Variants in CHLSN observed in about 807,000 individuals in gnomAD.
The protein encoded by CHLSN is cholesin.
chr7:1,084,538 C>T, the CHLSN span, among the ~76,000 whole-genome samples: 16 of 152,334 alleles, frequency 1.1e-4, 1 homozygote, highest in South Asian at 1.2e-3. Context: ...GGGGGAGAAG[C>T]GAATGAGCCA....
At chr7:1,089,524 T>A in the CHLSN span, among the ~76,000 whole-genome samples, 3,675 of 151,934 alleles carry the variant, frequency 0.024, 84 homozygotes, top group Non-Finnish European at 0.042. Flanking sequence ...GCTCAGGCGA[T>A]CCTCCTGCCT....
chr7:1,015,515 G>A, the CHLSN span, among the ~76,000 whole-genome samples: 1 of 152,238 alleles, frequency 6.6e-6, no homozygotes, highest in Admixed American at 6.5e-5. Flanking sequence ...ATCTGTTCCA[G>A]CCAGACCTTC....
chr7:994,482 T>A, the CHLSN span, among the ~76,000 whole-genome samples: 1 of 152,152 alleles, frequency 6.6e-6, no homozygotes, highest in Non-Finnish European at 1.5e-5. Flanking sequence ...AAATTTTTTT[T>A]AGATGCCGGC....
At chr7:1,061,655 A>AC in the CHLSN span, among the ~76,000 whole-genome samples, 1 of 152,044 alleles carries the variant, frequency 6.6e-6, no homozygotes, top group Admixed American at 6.6e-5. Flanking sequence ...CAAAGCCTTC[A>AC]CCTCATCACA....
the CHLSN span, among the ~76,000 whole-genome samples, chr7:1,048,592 G>C: frequency 1.3e-5 from 2 of 152,134 alleles, no homozygotes; most frequent in Non-Finnish European, 2.9e-5. Context: ...TTAGCCCCGG[G>C]TTTCAGCCAA....
chr7:997,864 A>G, the CHLSN span: 9 of 1,474,806 alleles, frequency 6.1e-6, no homozygotes, highest in Non-Finnish European at 7.4e-6. Context: ...GCTGAACAGC[A>G]GGAGACAAGA....
At chr7:1,052,934 C>T in the CHLSN span, among the ~76,000 whole-genome samples, 1 of 152,172 alleles carries the variant, frequency 6.6e-6, no homozygotes, top group Non-Finnish European at 1.5e-5. The surrounding 1 kb of genome is among the most constrained non-coding windows in gnomAD (Gnocchi z 4.2). Flanking sequence ...AAAGAGCCCA[C>T]TTCTGAAGAG....
At chr7:1,131,191 T>TA in the CHLSN span, among the ~76,000 whole-genome samples, 21 of 117,186 alleles carry the variant, frequency 1.8e-4, no homozygotes, top group South Asian at 3.2e-4. Context: ...ACCTTGTGTT[T>TA]AAAAAAAAAA....
chr7:1,028,123 G>T, the CHLSN span: 2 of 513,168 alleles, frequency 3.9e-6, no homozygotes, highest in Non-Finnish European at 5.0e-6. Flanking sequence ...AGGGCGGAGC[G>T]GGGCCCGCAG....
chr7:1,081,175 G>A, the CHLSN span, among the ~76,000 whole-genome samples: 2 of 152,256 alleles, frequency 1.3e-5, no homozygotes, highest in African/African-American at 4.8e-5. Context: ...CACCAGGGCC[G>A]GGGACGGTGC....
At chr7:1,006,731 A>G in the CHLSN span, among the ~76,000 whole-genome samples, 1 of 127,100 alleles carries the variant, frequency 7.9e-6, no homozygotes, top group Non-Finnish European at 1.7e-5. Flanking sequence ...CACAGCGCAG[A>G]CAAAGAGCGC....
chr7:1,028,526 A>G, the CHLSN span: 4 of 984,674 alleles, frequency 4.1e-6, no homozygotes, highest in Non-Finnish European at 4.8e-6. Context: ...TGCAGCCCCC[A>G]CTGCTCCTCC....
At chr7:1,021,594 G>A in the CHLSN span, 1 of 980,972 alleles carries the variant, frequency 1.0e-6, no homozygotes, top group African/African-American at 1.8e-5. Flanking sequence ...TCCCCATGCT[G>A]TTGGATGGGA....
At chr7:1,137,023 G>T in the CHLSN span, among the ~76,000 whole-genome samples, 134 of 152,214 alleles carry the variant, frequency 8.8e-4, no homozygotes, top group African/African-American at 2.9e-3. Flanking sequence ...CAGATGGTGT[G>T]TCACCTCCAC....
At chr7:980,520 C>T in the CHLSN span, among the ~76,000 whole-genome samples, 1 of 151,892 alleles carries the variant, frequency 6.6e-6, no homozygotes, top group Non-Finnish European at 1.5e-5. Flanking sequence ...TGTGCCCATC[C>T]TTGCAAGTAT....
the CHLSN span, among the ~76,000 whole-genome samples, chr7:1,081,276 C>G: frequency 1.3e-5 from 2 of 152,184 alleles, no homozygotes; most frequent in African/African-American, 4.8e-5. Flanking sequence ...ACTGACCTTG[C>G]CAGGCTGGGA....
the CHLSN span, among the ~76,000 whole-genome samples, chr7:1,085,519 A>G: frequency 6.6e-6 from 1 of 152,248 alleles, no homozygotes; most frequent in South Asian, 2.1e-4. Context: ...AAGGAGGGTG[A>G]CCTAAGATCA....
At chr7:1,052,990 G>A in the CHLSN span, among the ~76,000 whole-genome samples, 1 of 152,174 alleles carries the variant, frequency 6.6e-6, no homozygotes, top group Admixed American at 6.5e-5. This position sits in a 1 kb window ranked among gnomAD's most constrained non-coding sequence, Gnocchi z 4.2. Context: ...CCCATCACCT[G>A]GCTCCCCGTT....
the CHLSN span, among the ~76,000 whole-genome samples, chr7:1,046,548 G>C: frequency 6.6e-6 from 1 of 152,190 alleles, no homozygotes; most frequent in South Asian, 2.1e-4. Context: ...TAGCCAAGAG[G>C]ACAGGGAACC....
Sources: gnomAD v4.1 joint callset for allele counts (sites outside exome capture counted in the v4.1 genomes callset) on GRCh38, gnomAD v4.1.1 for gene constraint, Gnocchi (gnomAD v3.1) non-coding constraint, MANE v1.5 for transcripts, NCBI Gene and HGNC (gene_info 2026-07-23, HGNC 2026-07-21) for gene names.